HPSE2: variants seen among roughly 807,000 people sequenced by gnomAD.
The protein encoded by HPSE2 is heparanase 2 (inactive), also known as inactive heparanase-2.
HPSE2 carries 38 observed loss-of-function variants against 60.5 expected under a neutral mutation model. That is an observed-to-expected ratio of 0.63 (90% CI 0.48 to 0.82). The LOEUF (loss-of-function observed/expected upper bound fraction) is 0.82. HPSE2 is among the 40% of genes least tolerant of loss of function. HPSE2 has a pLI of 0.00. For synonymous variants in HPSE2, 295 were observed against 293.2 expected (o/e 1.01, Z -0.06); for missense variants, 713 against 740.4 (o/e 0.96, Z 0.43).
the HPSE2 span, among the ~76,000 whole-genome samples, chr10:99,314,861 T>C: frequency 3.9e-5 from 6 of 152,232 alleles, no homozygotes; most frequent in African/African-American, 1.4e-4. Context: ...AAACATCCCA[T>C]GGTGATCTAT....
chr10:98,746,675 G>T (rs530043694), intron 3 of HPSE2, among the ~76,000 whole-genome samples: 1 of 151,570 alleles, frequency 6.6e-6, no homozygotes, highest in South Asian at 2.1e-4. Context: ...TAAAATAGTT[G>T]TCCTATTTAG....
In HPSE2 at chr10:99,227,674, C is replaced by T. The variant is rs1047954306; in HGVS notation, c.448+4674G>A. On this transcript the variant is annotated intron_variant, in intron 2 of 11. Transcript: ENST00000370552. ...CAGGGCCTTTCACAGTGCTTTTAAC[C>T]TAGCATACACCCAAGAAAATTTGCT... is the stretch of plus-strand genomic sequence containing the variant. 6.6e-5 allele frequency among the ~76,000 whole-genome samples: 10 copies of T among 151,570 alleles called. No individual in the cohort carries two copies. The South Asian group carries it at 1.9e-3, about 28-fold the overall frequency.
At chr10:99,088,866 A>T (rs1564797100) in intron 3 of HPSE2, among the ~76,000 whole-genome samples, 1 of 151,024 alleles carries the variant, frequency 6.6e-6, no homozygotes, top group Non-Finnish European at 1.5e-5. Flanking sequence ...ACCAACATCT[A>T]TTTTTTTTTA....
intron 3 of HPSE2, among the ~76,000 whole-genome samples, chr10:99,016,774 T>TTG (rs368305392): frequency 3.4e-4 from 51 of 151,168 alleles, no homozygotes; most frequent in South Asian, 1.0e-3. Flanking sequence ...CTTAGGTATT[T>TTG]TGTGTGTGTG....
At chr10:98,671,394 C>T (rs1335124942) in intron 6 of HPSE2, among the ~76,000 whole-genome samples, 1 of 152,152 alleles carries the variant, frequency 6.6e-6, no homozygotes. Context: ...AAAATTAGCA[C>T]TCTATTACCT....
intron 2 of HPSE2, among the ~76,000 whole-genome samples, chr10:99,180,657 G>A (rs1417998839): frequency 6.6e-6 from 1 of 151,996 alleles, no homozygotes; most frequent in African/African-American, 2.4e-5. Flanking sequence ...GGCTGAGGTG[G>A]GTGGATTGCC....
intron 11 of HPSE2, among the ~76,000 whole-genome samples, chr10:98,482,266 C>T (rs934412870): frequency 2.6e-5 from 4 of 152,076 alleles, no homozygotes; most frequent in Admixed American, 2.6e-4. Flanking sequence ...TCTCAACTAC[C>T]AGGATGTTTG....
chr10:98,773,588 T>C (rs1238506888), intron 3 of HPSE2, among the ~76,000 whole-genome samples: 1 of 152,178 alleles, frequency 6.6e-6, no homozygotes, highest in African/African-American at 2.4e-5. Context: ...AACGTATATA[T>C]GCTTTGACTA....
At chr10:99,218,275 C>CA (rs1849200407) in intron 2 of HPSE2, among the ~76,000 whole-genome samples, 1 of 150,612 alleles carries the variant, frequency 6.6e-6, no homozygotes, top group Non-Finnish European at 1.5e-5. Flanking sequence ...GAAGGAAACT[C>CA]AGAATGTCAG....
intron 6 of HPSE2, among the ~76,000 whole-genome samples, chr10:98,645,941 C>T (rs1206663399): frequency 1.3e-5 from 2 of 152,104 alleles, no homozygotes; most frequent in Non-Finnish European, 2.9e-5. Flanking sequence ...TGCCACTGTA[C>T]CCCAGCCTGG....
intron 3 of HPSE2, among the ~76,000 whole-genome samples, chr10:98,746,286 A>C (rs1413709764): frequency 1.5e-5 from 2 of 132,056 alleles, no homozygotes; most frequent in Admixed American, 7.5e-5. Flanking sequence ...TGAAACCAGT[A>C]TATAATAATT....
chr10:99,143,395 T>C (rs1044907290), intron 3 of HPSE2, among the ~76,000 whole-genome samples: 1 of 152,150 alleles, frequency 6.6e-6, no homozygotes, highest in Non-Finnish European at 1.5e-5. Context: ...CAAAAATAAG[T>C]GTGAGATGTT....
intron 7 of HPSE2, among the ~76,000 whole-genome samples, chr10:98,635,082 A>T (rs1478396378): frequency 2.0e-5 from 3 of 152,236 alleles, no homozygotes; most frequent in African/African-American, 7.2e-5. Context: ...AAGTCTATGA[A>T]GACAAGCATC....
intron 2 of HPSE2, among the ~76,000 whole-genome samples, chr10:99,217,881 TG>T (rs1299425395): frequency 6.6e-6 from 1 of 152,036 alleles, no homozygotes; most frequent in Non-Finnish European, 1.5e-5. Context: ...CCACTGTGCC[TG>T]CCCCCAATAT....
the HPSE2 span, among the ~76,000 whole-genome samples, chr10:99,294,820 T>TACCACC: frequency 6.6e-6 from 1 of 152,044 alleles, no homozygotes; most frequent in Admixed American, 6.6e-5. Flanking sequence ...ATCAGGCGTG[T>TACCACC]ACCACCACGC....
chr10:98,759,777 G>A (rs1949964335), intron 3 of HPSE2, among the ~76,000 whole-genome samples: 1 of 151,952 alleles, frequency 6.6e-6, no homozygotes, highest in African/African-American at 2.4e-5. Context: ...ACTATTCAGG[G>A]TCTTTTGTGG....
intron 2 of HPSE2, among the ~76,000 whole-genome samples, chr10:99,198,538 T>G (rs998521167): frequency 6.6e-6 from 1 of 152,176 alleles, no homozygotes; most frequent in Admixed American, 6.5e-5. Context: ...CCATAAATAA[T>G]AACAGATGGC....
At chr10:98,577,599 G>T (rs982356108) in intron 9 of HPSE2, among the ~76,000 whole-genome samples, 3 of 152,158 alleles carry the variant, frequency 2.0e-5, no homozygotes, top group African/African-American at 7.2e-5. Flanking sequence ...AAACTTTGGA[G>T]AGGTATTTTT....
chr10:99,118,854 G>A (rs1420967406), intron 3 of HPSE2, among the ~76,000 whole-genome samples: 2 of 151,474 alleles, frequency 1.3e-5, no homozygotes, highest in Admixed American at 6.6e-5. Flanking sequence ...CTGTCTCTAC[G>A]AAAAATACAA....
Sources: gnomAD v4.1 joint callset for allele counts (sites outside exome capture counted in the v4.1 genomes callset) on GRCh38, gnomAD v4.1.1 for gene constraint, MANE v1.5 for transcripts, NCBI Gene and HGNC (gene_info 2026-07-23, HGNC 2026-07-21) for gene names.